Variants in ASB3 observed in about 807,000 individuals in gnomAD.
ASB3 encodes ankyrin repeat and SOCS box protein 3.
In ASB3, 41 loss-of-function variants were observed where a neutral mutation model predicts 54.5. That is an observed-to-expected ratio of 0.75 (90% CI 0.59 to 0.98). ASB3 has a LOEUF of 0.98. Ranked by LOEUF, ASB3 falls within the 50% of genes least tolerant of loss-of-function variation. The probability of loss-of-function intolerance (pLI) is 0.00; values close to 1 mark genes in which losing one functional copy is unlikely to be tolerated. For missense variants in ASB3, 733 were observed against 620.0 expected (o/e 1.18, Z -1.94); for synonymous variants, 266 against 221.2 (o/e 1.20, Z -1.80).
At chr2:53,707,974 A>AAAG (rs1553373097) in intron 7 of ASB3, among the ~76,000 whole-genome samples, 5 of 149,358 alleles carry the variant, frequency 3.3e-5, no homozygotes, top group Admixed American at 6.6e-5. Flanking sequence ...AAAAAAAAAA[A>AAAG]AAAGAAAGAA....
intron 1 of ASB3, among the ~76,000 whole-genome samples, chr2:53,776,900 T>C (rs1674370832): frequency 1.3e-5 from 2 of 152,226 alleles, no homozygotes; most frequent in Non-Finnish European, 2.9e-5. Flanking sequence ...GCTACTATGT[T>C]GAAGAATTTT....
chr2:53,740,557 T>C (rs2103962238), intron 3 of ASB3, among the ~76,000 whole-genome samples: 1 of 152,346 alleles, frequency 6.6e-6, no homozygotes, highest in South Asian at 2.1e-4. Flanking sequence ...TACAGAATTT[T>C]TTAAAAATTA....
At chr2:53,681,136 T>A (rs1472199615) in intron 9 of ASB3, among the ~76,000 whole-genome samples, 2 of 152,270 alleles carry the variant, frequency 1.3e-5, no homozygotes, top group African/African-American at 4.8e-5. Context: ...GATCTTTTAA[T>A]GGACACCAGT....
intron 7 of ASB3, among the ~76,000 whole-genome samples, chr2:53,709,352 A>G (rs1187768671): frequency 6.6e-6 from 1 of 152,190 alleles, no homozygotes; most frequent in Admixed American, 6.5e-5. Flanking sequence ...AGAATTTAAG[A>G]GTTGAGGTTT....
intron 7 of ASB3, among the ~76,000 whole-genome samples, chr2:53,702,466 G>A (rs1190106498): frequency 6.6e-6 from 1 of 152,108 alleles, no homozygotes; most frequent in African/African-American, 2.4e-5. Flanking sequence ...ATATAAATTA[G>A]TATGTATTTC....
intron 5 of ASB3, among the ~76,000 whole-genome samples, chr2:53,719,723 T>C (rs771506608): frequency 6.6e-5 from 10 of 152,218 alleles, no homozygotes; most frequent in Non-Finnish European, 1.3e-4. Context: ...AAAGTGCTCC[T>C]GATCGAAATC....
chr2:53,750,354 A>G (rs1672449899), intron 3 of ASB3, among the ~76,000 whole-genome samples: 1 of 152,146 alleles, frequency 6.6e-6, no homozygotes, highest in African/African-American at 2.4e-5. Context: ...AGATCCATAC[A>G]GGCAACACAT....
chr2:53,710,207 T>C (rs927460683), intron 7 of ASB3, among the ~76,000 whole-genome samples: 3 of 152,260 alleles, frequency 2.0e-5, no homozygotes, highest in Middle Eastern at 3.2e-3. Context: ...ACGCTCCAGC[T>C]GCCAGACAGC....
At chr2:53,782,739 T>C (rs1417430959) in intron 1 of ASB3, among the ~76,000 whole-genome samples, 2 of 152,144 alleles carry the variant, frequency 1.3e-5, no homozygotes, top group African/African-American at 2.4e-5. Flanking sequence ...TCAAGGACCC[T>C]AAAGTTAGAC....
chr2:53,727,535 C>T (rs1671069761), intron 5 of ASB3, among the ~76,000 whole-genome samples: 1 of 151,918 alleles, frequency 6.6e-6, no homozygotes, highest in South Asian at 2.1e-4. Flanking sequence ...ATTTGGTAGG[C>T]TAAAGGGGCA....
intron 5 of ASB3, among the ~76,000 whole-genome samples, chr2:53,718,914 T>TTTTTA (rs537656284): frequency 3.9e-4 from 60 of 152,030 alleles, no homozygotes; most frequent in Middle Eastern, 3.4e-3. Flanking sequence ...GGTCACTAGT[T>TTTTTA]TTTTATTTTA....
chr2:53,678,965 A>G (rs899845812), intron 9 of ASB3, among the ~76,000 whole-genome samples: 4 of 152,070 alleles, frequency 2.6e-5, no homozygotes, highest in African/African-American at 9.7e-5. Flanking sequence ...CTATTCTTCC[A>G]GAGTTTGCTC....
chr2:53,741,975 A>C (rs1671956589), intron 3 of ASB3, among the ~76,000 whole-genome samples: 1 of 152,182 alleles, frequency 6.6e-6, no homozygotes, highest in African/African-American at 2.4e-5. Flanking sequence ...ACATCTAAGA[A>C]AAAGCTAGCA....
Position 53,765,389 on chromosome 2 carries a change from A to C in ASB3, c.184T>G (p.Leu62Val). The C allele has an allele frequency of 6.2e-7, 1 of 1,614,232 alleles. No homozygotes were observed. The highest frequency in any genetic ancestry group is 8.5e-7 in the Non-Finnish European group (1 of 1,180,022). The change falls in exon 2 of 10, where the codon TTA becomes GTA. Residue 62 changes from leucine to valine, a missense_variant. By Grantham distance (32) the Leu-to-Val change is conservative. Coordinates refer to ENST00000263634, the MANE Select transcript of ASB3 (RefSeq NM_016115.5). ...YHNSVECLQM[L>V]INADSSENYI... ...GAATTTACTTTACCTGCATTAATTAACATTTGCAAACATTCTACAGAGTTG... is the reference window on the plus strand; with the variant it reads ...GAATTTACTTTACCTGCATTAATTACCATTTGCAAACATTCTACAGAGTTG...
At chr2:53,750,449 T>C (rs983424695) in intron 3 of ASB3, among the ~76,000 whole-genome samples, 4 of 152,064 alleles carry the variant, frequency 2.6e-5, no homozygotes, top group Admixed American at 2.6e-4. Context: ...AAAGCAAACA[T>C]AAAGCATTCA....
In ASB3 at chr2:53,708,887, T is replaced by C. The variant is rs1669938193; in HGVS notation, c.980+5497A>G. Among the ~76,000 whole-genome samples, 3 of 152,166 alleles carry C rather than the reference T, an allele frequency of 2.0e-5. No homozygotes were observed. The South Asian group carries it at 6.2e-4, about 31-fold the overall frequency. On this transcript the variant is annotated intron_variant, in intron 7 of 9. Coordinates refer to ENST00000263634, the MANE Select transcript of ASB3 (RefSeq NM_016115.5). ...TTGTAAGAGCCTATGCTCATATGCA[T>C]GAGCAAAGACAGGACCTAATGTTGG...
rs1667744545 is a variant in ASB3, at chr2:53,670,237, A to G, written c.*266T>C. The G allele has an allele frequency of 3.5e-6, 1 of 283,876 alleles. No homozygotes were observed. Among genetic ancestry groups the G allele is most frequent in the Non-Finnish European group, 6.4e-6 (1 of 155,388 alleles). The allele number at this position is 283,876 out of a possible 1,614,324, so 17.6% of individuals were successfully genotyped here. On this transcript the variant is annotated 3_prime_UTR_variant, in exon 10 of 10. Coordinates refer to ENST00000263634, the MANE Select transcript of ASB3 (RefSeq NM_016115.5). The stretch of plus-strand genomic sequence containing the variant: ...AATGATCAGGTAAATAAATATTACA[A>G]CATATAATGTACTGGTGATGAAGCT...
Position 53,670,327 on chromosome 2 carries a change from G to T in ASB3, c.*176C>A. 1 of 338,298 alleles carries T rather than the reference G, an allele frequency of 3.0e-6. No homozygotes were observed. 21.0% of individuals were successfully genotyped at this position (338,298 alleles called of 1,614,324 possible). On this transcript the variant is annotated 3_prime_UTR_variant, in exon 10 of 10. Coordinates refer to ENST00000263634, the MANE Select transcript of ASB3 (RefSeq NM_016115.5). ...TTTTTTTTTTTTTTTTTACTGGGAA[G>T]GCTAGTTGTAAACATAAACATTCTC... is the stretch of plus-strand genomic sequence containing the variant.
chr2:53,767,786 C>T, intron 1 of ASB3: 2 of 1,460,328 alleles, frequency 1.4e-6, no homozygotes, highest in East Asian at 2.5e-5. Context: ...ATCGCGCCTG[C>T]GCCCCGCGCG....
Sources: allele counts gnomAD v4.1 joint callset (sites outside exome capture counted in the v4.1 genomes callset), GRCh38; gene constraint gnomAD v4.1.1; transcripts MANE v1.5; gene names NCBI Gene and HGNC (gene_info 2026-07-23, HGNC 2026-07-21).